The following KCNH1 variants were observed in gnomAD, a reference collection of about 807,000 sequenced individuals.
The protein encoded by KCNH1 is voltage-gated delayed rectifier potassium channel KCNH1.
KCNH1 carries 27 observed loss-of-function variants against 69.2 expected under a neutral mutation model. The ratio of observed to expected loss-of-function variants is 0.39; its 90% CI spans 0.29 to 0.54. KCNH1 has a LOEUF of 0.54. Ranked by LOEUF, KCNH1 falls within the 20% of genes least tolerant of loss-of-function variation. KCNH1 has a pLI of 0.68. For synonymous variants in KCNH1, 456 were observed against 487.7 expected (o/e 0.93, Z 0.86); for missense variants, 798 against 1,261.6 (o/e 0.63, Z 5.57).
intron 6 of KCNH1, among the ~76,000 whole-genome samples, chr1:210,936,097 T>C (rs1306832315): frequency 6.6e-6 from 1 of 152,216 alleles, no homozygotes; most frequent in Non-Finnish European, 1.5e-5. Flanking sequence ...CCACTCAGTC[T>C]TTCAGGTTGA....
chr1:210,868,090 C>T (rs1227585574), intron 7 of KCNH1, among the ~76,000 whole-genome samples: 4 of 151,954 alleles, frequency 2.6e-5, no homozygotes, highest in Non-Finnish European at 5.9e-5. Flanking sequence ...AACCTGATTT[C>T]CAAAATGTTA....
At chr1:211,040,190 CAAAA>C (rs35260257) in intron 5 of KCNH1, among the ~76,000 whole-genome samples, 2 of 108,626 alleles carry the variant, frequency 1.8e-5, no homozygotes, top group Non-Finnish European at 3.6e-5. Flanking sequence ...GACTCCGTCT[CAAAA>C]AAAAAAAAAA....
intron 6 of KCNH1, among the ~76,000 whole-genome samples, chr1:210,984,374 A>G (rs968307300): frequency 3.1e-4 from 47 of 152,272 alleles, no homozygotes; most frequent in African/African-American, 1.0e-3. Context: ...GAATGCTTCC[A>G]GTTTTTGTCC....
chr1:210,770,774 C>A (rs1297190033), intron 10 of KCNH1, among the ~76,000 whole-genome samples: 1 of 152,234 alleles, frequency 6.6e-6, no homozygotes, highest in Admixed American at 6.5e-5. Context: ...ACCCAAGCTA[C>A]TCCTGAAAAG....
At chr1:210,795,685 T>C (rs529108692) in intron 9 of KCNH1, among the ~76,000 whole-genome samples, 5 of 152,306 alleles carry the variant, frequency 3.3e-5, no homozygotes, top group Middle Eastern at 3.4e-3. Flanking sequence ...TATGTCTCTA[T>C]GTAGTTTGAA....
At chr1:210,860,918 A>G in intron 7 of KCNH1, 1 of 940,344 alleles carries the variant, frequency 1.1e-6, no homozygotes, top group Non-Finnish European at 1.8e-6. Context: ...TGCAACATGT[A>G]TTCCATCTGA....
intron 6 of KCNH1, among the ~76,000 whole-genome samples, chr1:211,005,634 G>A (rs1433108880): frequency 6.6e-6 from 1 of 152,120 alleles, no homozygotes; most frequent in Non-Finnish European, 1.5e-5. Flanking sequence ...ATCTAAATGT[G>A]AATGGAAAAC....
At chr1:210,826,052 AG>A (rs1160446767) in intron 7 of KCNH1, among the ~76,000 whole-genome samples, 4 of 152,228 alleles carry the variant, frequency 2.6e-5, no homozygotes, top group Non-Finnish European at 4.4e-5. Context: ...CTAATAAAAA[AG>A]GGAGTTCTAT....
intron 10 of KCNH1, among the ~76,000 whole-genome samples, chr1:210,754,706 G>T (rs767927065): frequency 1.1e-4 from 16 of 152,070 alleles, no homozygotes; most frequent in Non-Finnish European, 2.1e-4. Flanking sequence ...CTCCCCAGAA[G>T]CCAAGCAGAT....
intron 9 of KCNH1, among the ~76,000 whole-genome samples, chr1:210,776,051 C>T (rs939037749): frequency 2.0e-5 from 3 of 152,118 alleles, no homozygotes; most frequent in Admixed American, 6.6e-5. Flanking sequence ...TCTATATTAG[C>T]GTGACTGAGA....
intron 5 of KCNH1, among the ~76,000 whole-genome samples, chr1:211,056,032 G>T (rs1447426419): frequency 2.6e-5 from 4 of 152,118 alleles, no homozygotes; most frequent in East Asian, 1.9e-4. Context: ...GCTTGAGGAA[G>T]GGAGAGGGAA....
At chr1:211,103,413 A>G in intron 3 of KCNH1, 83 bp downstream of exon 3, 1 of 888,072 alleles carries the variant, frequency 1.1e-6, no homozygotes, top group Non-Finnish European at 1.7e-6. Context: ...GAGAAGAAAA[A>G]CCAAGACAGC....
At chr1:210,745,225 T>C (rs977346914) in intron 10 of KCNH1, among the ~76,000 whole-genome samples, 1 of 151,972 alleles carries the variant, frequency 6.6e-6, no homozygotes, top group Non-Finnish European at 1.5e-5. Context: ...TAATAAATTG[T>C]TTAAGTGCTA....
chr1:210,983,257 A>AT (rs1688752014), intron 6 of KCNH1, among the ~76,000 whole-genome samples: 1 of 152,208 alleles, frequency 6.6e-6, no homozygotes, highest in Admixed American at 6.5e-5. Context: ...TTTGCTGTGC[A>AT]GAAGCTCTTA....
intron 10 of KCNH1, among the ~76,000 whole-genome samples, chr1:210,693,642 C>T (rs761674516): frequency 2.6e-5 from 4 of 152,150 alleles, no homozygotes; most frequent in Non-Finnish European, 5.9e-5. Context: ...TTCATCTGAA[C>T]CTGAATCAAG....
chr1:211,094,089 A>G (rs1419569085), intron 3 of KCNH1, among the ~76,000 whole-genome samples: 4 of 152,064 alleles, frequency 2.6e-5, no homozygotes, highest in Non-Finnish European at 5.9e-5. Flanking sequence ...GTAGTCCCCA[A>G]CCTTTTTGGC....
chr1:210,861,037 A>G lies in KCNH1; in HGVS notation c.1463-56871T>C. 6 of 1,051,608 alleles carry G rather than the reference A, an allele frequency of 5.7e-6. No individual in the cohort carries two copies. The South Asian group carries it at 7.6e-5, about 13-fold the overall frequency. 65.1% of individuals were successfully genotyped at this position (1,051,608 alleles called of 1,614,324 possible). ...TGGGTTCTGTAAGAATCTGGTAACA[A>G]AATCCCATAGTCTTTTGAAGTACCT... is the stretch of plus-strand genomic sequence containing the variant. On this transcript the variant is annotated intron_variant, in intron 7 of 10. Coordinates refer to ENST00000271751, the MANE Select transcript of KCNH1 (RefSeq NM_172362.3).
At chr1:210,888,298 CT>C (rs1236024380) in intron 7 of KCNH1, among the ~76,000 whole-genome samples, 1 of 152,118 alleles carries the variant, frequency 6.6e-6, no homozygotes, top group Non-Finnish European at 1.5e-5. Context: ...CAACCTGCTC[CT>C]GAATGACTAC....
At chr1:210,984,507 T>A (rs186134949) in intron 6 of KCNH1, among the ~76,000 whole-genome samples, 2 of 152,234 alleles carry the variant, frequency 1.3e-5, no homozygotes, top group African/African-American at 4.8e-5. Flanking sequence ...TTGTCAAAGG[T>A]CTTTTCTGCA....
Sources: gnomAD v4.1 joint callset for allele counts (sites outside exome capture counted in the v4.1 genomes callset) on GRCh38, gnomAD v4.1.1 for gene constraint, MANE v1.5 for transcripts, NCBI Gene and HGNC (gene_info 2026-07-23, HGNC 2026-07-21) for gene names.